CLK1: variants seen among roughly 807,000 people sequenced by gnomAD.
CLK1 encodes the protein dual specificity protein kinase CLK1.
CLK1 carries 40 observed loss-of-function variants against 60.9 expected under a neutral mutation model. That is an observed-to-expected ratio of 0.66 (90% CI 0.51 to 0.86). CLK1 has a LOEUF of 0.86. Ranked by LOEUF, CLK1 falls within the 40% of genes least tolerant of loss-of-function variation. The pLI is 0.00. For missense variants in CLK1, 563 were observed against 606.1 expected (o/e 0.93, Z 0.75); for synonymous variants, 203 against 184.4 (o/e 1.10, Z -0.82).
Position 200,861,851 on chromosome 2 carries a change from T to TTGA in CLK1, c.11_12insTCA (p.Ser4_Lys5insGln), listed in dbSNP as rs1304017602. On this transcript the variant is annotated inframe_insertion, in exon 2 of 13. Transcript: ENST00000321356. ...CCCAATCAGGACAGTAAGTTCTCTT[T>TTGA]GAGTGTCTCATCTACATAAAAGGCA... The TTGA allele has an allele frequency of 6.2e-7, 1 of 1,614,032 alleles. No individual in the cohort carries two copies. The highest frequency in any genetic ancestry group is 2.2e-5 in the East Asian group (1 of 44,864).
At chr2:200,862,191 T>C (rs899058476) in intron 1 of CLK1, among the ~76,000 whole-genome samples, 5 of 151,854 alleles carry the variant, frequency 3.3e-5, no homozygotes, top group Non-Finnish European at 7.4e-5. Flanking sequence ...GTAGTACAAA[T>C]ATAGCACTAT....
rs1299193137 is a variant in CLK1 at position 200,855,630 on chromosome 2, C to CCA, written c.1058-545_1058-544insTG. Among the ~76,000 whole-genome samples the CCA allele has an allele frequency of 7.6e-5, 9 of 117,774 alleles. No individual in the cohort carries two copies. In the East Asian group the frequency reaches 8.9e-4, roughly 12 times the overall value. 77.3% of individuals were successfully genotyped at this position (117,774 alleles called of 152,430 possible). A position where few individuals can be genotyped will look rare whatever the true frequency, so the allele number is the denominator to read the frequency against. On this transcript the variant is annotated intron_variant, in intron 9 of 12. Coordinates refer to ENST00000321356, the MANE Select transcript of CLK1 (RefSeq NM_004071.4). ...ACAGAGCAAGACTCCGCCCCCCCCC[C>CCA]AAAAAATTATATATATACACATATA...
chr2:200,860,538 T>G lies in CLK1; in HGVS notation c.391-323A>C, dbSNP rs78295361. The G allele has an allele frequency of 1.0e-2, 10,590 of 1,059,790 alleles. 64 individuals carry two copies. The highest frequency in any genetic ancestry group is 0.011 in the Non-Finnish European group (9,864 of 878,004). The allele number at this position is 1,059,790 out of a possible 1,614,324, so 65.6% of individuals were successfully genotyped here. On this transcript the variant is annotated intron_variant, in intron 3 of 12. Coordinates refer to ENST00000321356, the MANE Select transcript of CLK1 (RefSeq NM_004071.4). ...GTTGTAGCATTCACTGAAACATAAT[T>G]TTTTAGTTTCTAGTGTTCTAATTTA...
At chr2:200,854,034 AAACTT>A (rs1559325357) in intron 11 of CLK1, 41 bp from the exon 12 acceptor site, 1 of 1,361,426 alleles carries the variant, frequency 7.3e-7, no homozygotes, top group South Asian at 1.2e-5. Context: ...ATAACACTGA[AAACTT>A]AAAACAGCTA....
chr2:200,859,746 T>A lies in CLK1; in HGVS notation c.482A>T (p.Tyr161Phe). 6 of 1,613,010 alleles carry A rather than the reference T, an allele frequency of 3.7e-6. No homozygotes were observed. Among genetic ancestry groups the A allele is most frequent in the Non-Finnish European group, 5.1e-6 (6 of 1,179,402 alleles). The change falls in exon 5 of 13, where the codon TAT becomes TTT. Residue 161 changes from tyrosine (Y) to phenylalanine (F), a missense_variant and splice_region_variant. Transcript: ENST00000321356. ...CQSGDVLSAR[Y>F]EIVDTLGEGA... ...TTCACCTAAAGTATCAACAATTTCA[T>A]CTAAAAGAGAGAAATAAATCTCAGT...
intron 1 of CLK1, among the ~76,000 whole-genome samples, chr2:200,863,629 G>A (rs1575083038): frequency 1.3e-5 from 2 of 152,130 alleles, no homozygotes; most frequent in East Asian, 1.9e-4. Context: ...AGGCCGAAGC[G>A]GATGGATCAC....
At chr2:200,859,179 C>G (rs13415568) in intron 5 of CLK1, among the ~76,000 whole-genome samples, 6,253 of 151,450 alleles carry the variant, frequency 0.041, 247 homozygotes, top group African/African-American at 0.11. Context: ...GAGACTCTGT[C>G]TCGAGAAAAA....
At chr2:200,862,890 C>A (rs904592158) in intron 1 of CLK1, among the ~76,000 whole-genome samples, 2 of 152,202 alleles carry the variant, frequency 1.3e-5, no homozygotes, top group African/African-American at 4.8e-5. Context: ...GCAACGGTGG[C>A]ATCAGAATAT....
intron 9 of CLK1, among the ~76,000 whole-genome samples, chr2:200,855,305 A>C (rs1424908978): frequency 6.6e-6 from 1 of 151,854 alleles, no homozygotes; most frequent in Non-Finnish European, 1.5e-5. Context: ...GCGAGATCCC[A>C]CCTCTATTAA....
intron 9 of CLK1, 100 bp downstream of exon 9, chr2:200,856,582 G>A: frequency 3.2e-6 from 3 of 928,718 alleles, no homozygotes; most frequent in South Asian, 3.5e-5. Context: ...CCCTTAAAGA[G>A]AATATGATAA....
rs561199707 is a variant in CLK1, at chr2:200,861,341, C to T, written c.287G>A (p.Arg96Gln). 1.5e-5 allele frequency: 24 copies of T among 1,614,104 alleles called. 1 individual carries two copies. In the South Asian group the frequency reaches 2.1e-4, roughly 14 times the overall value. The change falls in exon 3 of 13, where the codon CGG becomes CAG. Residue 96 changes from arginine (R) to glutamine (Q), a missense_variant. This residue lies in a region of CLK1 where 198 missense variants were observed against 179.2 expected (regional missense o/e 1.10). Coordinates refer to ENST00000321356, the MANE Select transcript of CLK1 (RefSeq NM_004071.4). ...AGACTTGCTACTATGGTTCTGATAC[C>T]GGCTTTCATGGTCTCTTTGGCGATG... Reference protein sequence around the residue: ...PGHRQRDHESRYQNHSSKSSG... With the variant: ...PGHRQRDHESQYQNHSSKSSG...
chr2:200,853,705 A>G (rs1207350567), intron 12 of CLK1, among the ~76,000 whole-genome samples, 198 bp downstream of exon 12: 7 of 135,442 alleles, frequency 5.2e-5, no homozygotes, highest in South Asian at 2.3e-4. Flanking sequence ...AAAAAAAAAA[A>G]GCGTGGTGGC....
Position 200,861,263 on chromosome 2 carries a change from C to T in CLK1, c.365G>A (p.Ser122Asn). 6.2e-7 allele frequency: 1 copy of T among 1,614,158 alleles called. No homozygotes were observed. Among genetic ancestry groups the T allele is most frequent in the Non-Finnish European group, 8.5e-7 (1 of 1,180,010 alleles). Residue 122 changes from serine (S) to asparagine (N), a missense_variant, in exon 3 of 13, where the codon AGT (serine) becomes AAT (asparagine). Transcript: ENST00000321356. ...CCCATGTGAACGACGATGTGAAGTACTGTGGTGAATCCTGTGTTTGCTTTT... is the reference window on the plus strand; with the variant it reads ...CCCATGTGAACGACGATGTGAAGTATTGTGGTGAATCCTGTGTTTGCTTTT... ...SYKSKHRIHHSTSHRRSHGKS... is the reference protein window; with the variant it reads ...SYKSKHRIHHNTSHRRSHGKS...
intron 4 of CLK1, 98 bp downstream of exon 4, chr2:200,860,027 A>G (rs2039110230): frequency 6.6e-7 from 1 of 1,508,298 alleles, no homozygotes; most frequent in African/African-American, 1.4e-5. Context: ...AAAAACAAAA[A>G]AGAGAAAGAA....
Position 200,856,938 on chromosome 2 carries a change from T to C in CLK1, c.880A>G (p.Ile294Val). The change falls in exon 8 of 13, where the codon ATC (isoleucine) becomes GTC (valine). Residue 294 changes from isoleucine to valine, a missense_variant. This residue lies in a region of CLK1 where 360 missense variants were observed against 407.0 expected (regional missense o/e 0.88). Transcript: ENST00000321356. ...GTGTAGTCAGACTGCACAAATAAGA[T>C]GTTTTCAGGCTTTAAGTCTGTGTGA... is the stretch of plus-strand genomic sequence containing the variant. ...LTHTDLKPEN[I>V]LFVQSDYTEA... 6.2e-7 allele frequency: 1 copy of C among 1,614,196 alleles called. No individual in the cohort carries two copies. Among genetic ancestry groups the C allele is most frequent in the Non-Finnish European group, 8.5e-7 (1 of 1,180,022 alleles).
rs757838932 is a variant in CLK1 at position 200,857,704 on chromosome 2, T to A, written c.832+14A>T. On this transcript the variant is annotated intron_variant, in intron 7 of 12. Coordinates refer to ENST00000321356, the MANE Select transcript of CLK1 (RefSeq NM_004071.4). ...TAAAACCAGCAAATTAACGAAGATATACCAAGAACTTACAATTCACAGACT... is the reference window on the plus strand; with the variant it reads ...TAAAACCAGCAAATTAACGAAGATAAACCAAGAACTTACAATTCACAGACT... 6.4e-7 allele frequency: 1 copy of A among 1,569,048 alleles called. No homozygotes were observed. Among genetic ancestry groups the A allele is most frequent in the South Asian group, 1.2e-5 (1 of 83,696 alleles).
In CLK1 at chr2:200,864,654, A is replaced by C; in HGVS notation, c.-91T>G. ...GCTGACTGCGTCGCGCACCAACAAC[A>C]AAATGGAGCTGACAGCTGCTGCGTC... On this transcript the variant is annotated 5_prime_UTR_variant, in exon 1 of 13. Transcript: ENST00000321356. 1 of 160,948 alleles carries C rather than the reference A, an allele frequency of 6.2e-6. No homozygotes were observed. The highest frequency in any genetic ancestry group is 1.4e-5 in the Non-Finnish European group (1 of 73,382). 10.0% of individuals were successfully genotyped at this position (160,948 alleles called of 1,614,324 possible).
chr2:200,864,020 C>T (rs2039186571), intron 1 of CLK1: 4 of 1,438,926 alleles, frequency 2.8e-6, no homozygotes, highest in African/African-American at 1.5e-5. Flanking sequence ...AGGACAAAGC[C>T]ACTCGCGATG....
At position 200,853,442 on chromosome 2, in the gene CLK1, A is replaced by G. The variant is rs35393352; in HGVS notation, c.1319T>C (p.Met440Thr). 6.2e-7 allele frequency: 1 copy of G among 1,603,016 alleles called. No individual in the cohort carries two copies. Among genetic ancestry groups the G allele is most frequent in the East Asian group, 2.2e-5 (1 of 44,802 alleles). Residue 440 changes from methionine (M) to threonine (T), a missense_variant, in exon 13 of 13, where the codon ATG (methionine) becomes ACG (threonine). This residue lies in a region of CLK1 where 360 missense variants were observed against 407.0 expected (regional missense o/e 0.88). Transcript: ENST00000321356. ...SRRCKPLKEF[M>T]LSQDVEHERL... Reference sequence around the variant, plus strand: ...CTCATGTTCAACATCTTGAGAAAGCATAAATTCCTGGAAGAAAAAAAGAAA... The same window carrying G: ...CTCATGTTCAACATCTTGAGAAAGCGTAAATTCCTGGAAGAAAAAAAGAAA...
Sources: gnomAD v4.1 joint callset for allele counts (sites outside exome capture counted in the v4.1 genomes callset) on GRCh38, gnomAD v4.1.1 for gene constraint, gnomAD v4.1.1 regional missense constraint, MANE v1.5 for transcripts, NCBI Gene and HGNC (gene_info 2026-07-23, HGNC 2026-07-21) for gene names.